The following OPCML variants were observed in gnomAD, a reference collection of about 807,000 sequenced individuals.
OPCML encodes opioid binding protein/cell adhesion molecule like.
Under a neutral mutation model 37.8 loss-of-function variants are expected in OPCML, and 13 were observed. That is an observed-to-expected ratio of 0.34 (90% CI 0.22 to 0.55). OPCML has a LOEUF of 0.55. OPCML is among the 20% of genes least tolerant of loss of function. The pLI is 0.91. For synonymous variants in OPCML, 176 were observed against 168.8 expected (o/e 1.04, Z -0.33); for missense variants, 341 against 435.6 (o/e 0.78, Z 1.93).
At position 133,021,185 on chromosome 11, in the gene OPCML, G is replaced by T. The variant is rs537700404; in HGVS notation, c.62-78175C>A. On this transcript the variant is annotated intron_variant, in intron 1 of 7. Coordinates refer to ENST00000524381, the MANE Select transcript of OPCML (RefSeq NM_001012393.5). Reference sequence around the variant, plus strand: ...TGTGAAGCTTTGAGTCTTGTAAGAGGATACATACAGGTAAGAGAATGAACA... The same window carrying T: ...TGTGAAGCTTTGAGTCTTGTAAGAGTATACATACAGGTAAGAGAATGAACA... Among the ~76,000 whole-genome samples the T allele has an allele frequency of 2.2e-4, 34 of 152,292 alleles. No homozygotes were observed. In the South Asian group the frequency reaches 4.6e-3, roughly 20 times the overall value.
chr11:133,313,810 G>C (rs1481020476), intron 1 of OPCML, among the ~76,000 whole-genome samples: 1 of 152,198 alleles, frequency 6.6e-6, no homozygotes, highest in East Asian at 1.9e-4. Flanking sequence ...CTATAAAACT[G>C]TAAGAGAAAA....
intron 3 of OPCML, among the ~76,000 whole-genome samples, chr11:132,541,496 G>C (rs907110415): frequency 1.3e-5 from 2 of 148,896 alleles, no homozygotes; most frequent in African/African-American, 5.0e-5. Context: ...AATGTTATGG[G>C]CTCTTTATTC....
chr11:132,993,484 C>A (rs150315409), intron 1 of OPCML, among the ~76,000 whole-genome samples: 177 of 152,278 alleles, frequency 1.2e-3, no homozygotes, highest in Non-Finnish European at 1.7e-3. Flanking sequence ...ATTTGCTAAC[C>A]ACCGTTGAGA....
Position 132,436,150 on chromosome 11 carries a change from A to G in OPCML, c.852T>C (p.Tyr284=). 2 of 1,614,208 alleles carry G rather than the reference A, an allele frequency of 1.2e-6. No individual in the cohort carries two copies. The highest frequency in any genetic ancestry group is 8.5e-7 in the Non-Finnish European group (1 of 1,180,038). The change falls in exon 7 of 8, where the codon TAT becomes TAC. Residue 284 remains tyrosine, a synonymous_variant. Coordinates refer to ENST00000524381, the MANE Select transcript of OPCML (RefSeq NM_001012393.5). The stretch of plus-strand genomic sequence containing the variant: ...TCGTGGCCACACAAGTATAGTTCCC[A>G]TAATCCTTTTCTGAAACATTGAAGA... ...LTFFNVSEKD[Y]GNYTCVATNK... is the part of the protein sequence containing the mutation.
At chr11:132,680,178 C>T (rs1942879465) in intron 2 of OPCML, among the ~76,000 whole-genome samples, 1 of 152,166 alleles carries the variant, frequency 6.6e-6, no homozygotes. Flanking sequence ...TTGTGCAATG[C>T]ACCTGCCCCT....
chr11:132,741,702 C>A (rs190923888), intron 2 of OPCML, among the ~76,000 whole-genome samples: 1 of 152,216 alleles, frequency 6.6e-6, no homozygotes, highest in Admixed American at 6.5e-5. Flanking sequence ...TTTCGATATT[C>A]ATTCATTTAA....
chr11:132,527,052 G>A (rs2096310363), intron 4 of OPCML, among the ~76,000 whole-genome samples: 1 of 152,082 alleles, frequency 6.6e-6, no homozygotes, highest in Admixed American at 6.6e-5. Context: ...ATTTTGTTAT[G>A]TGCACCAGTG....
At chr11:132,759,161 T>C (rs541151373) in intron 2 of OPCML, among the ~76,000 whole-genome samples, 1 of 152,308 alleles carries the variant, frequency 6.6e-6, no homozygotes, top group South Asian at 2.1e-4. Flanking sequence ...GACTTGATCA[T>C]GGTGGGTAAG....
chr11:132,516,276 A>G (rs2096279493), intron 4 of OPCML, among the ~76,000 whole-genome samples: 1 of 152,206 alleles, frequency 6.6e-6, no homozygotes, highest in Admixed American at 6.5e-5. Flanking sequence ...AACTTCCTGC[A>G]GGCTCCTAAT....
chr11:133,450,220 A>G (rs1163147764), intron 1 of OPCML, among the ~76,000 whole-genome samples: 1 of 151,712 alleles, frequency 6.6e-6, no homozygotes, highest in African/African-American at 2.4e-5. Context: ...GATAATAAAC[A>G]TCTATTGATT....
chr11:132,795,092 AT>A (rs1938223251), intron 2 of OPCML, among the ~76,000 whole-genome samples: 1 of 152,106 alleles, frequency 6.6e-6, no homozygotes, highest in East Asian at 1.9e-4. Flanking sequence ...ACCTATTCAT[AT>A]ACGTATACAC....
At chr11:132,780,364 T>G (rs915508582) in intron 2 of OPCML, among the ~76,000 whole-genome samples, 3 of 152,190 alleles carry the variant, frequency 2.0e-5, no homozygotes, top group Non-Finnish European at 4.4e-5. Flanking sequence ...GACAGCAGCT[T>G]TTTTGATGGG....
At chr11:133,382,764 T>C (rs1944959017) in intron 1 of OPCML, among the ~76,000 whole-genome samples, 1 of 152,168 alleles carries the variant, frequency 6.6e-6, no homozygotes, top group African/African-American at 2.4e-5. Context: ...ATCGATGTTC[T>C]GTCACCCCAC....
intron 2 of OPCML, among the ~76,000 whole-genome samples, chr11:132,854,295 G>C (rs1414637260): frequency 1.3e-5 from 2 of 152,176 alleles, no homozygotes; most frequent in African/African-American, 2.4e-5. Flanking sequence ...CCATCCTCCT[G>C]GCATTTGGAT....
At chr11:132,778,283 C>T (rs1453269628) in intron 2 of OPCML, among the ~76,000 whole-genome samples, 1 of 152,150 alleles carries the variant, frequency 6.6e-6, no homozygotes, top group Non-Finnish European at 1.5e-5. Flanking sequence ...AGTCACTGCA[C>T]TGGCCCCAGG....
At chr11:132,480,661 A>T (rs1013375530) in intron 4 of OPCML, among the ~76,000 whole-genome samples, 2 of 152,244 alleles carry the variant, frequency 1.3e-5, no homozygotes, top group Non-Finnish European at 2.9e-5. Flanking sequence ...TCAGACTAAC[A>T]GCGGATCTCT....
chr11:132,422,919 C>A (rs918935879), intron 7 of OPCML, among the ~76,000 whole-genome samples: 1 of 152,202 alleles, frequency 6.6e-6, no homozygotes, highest in African/African-American at 2.4e-5. Context: ...ATGTGCTGCA[C>A]CCTAGCTGAG....
chr11:133,207,462 A>C (rs1261437905), intron 1 of OPCML, among the ~76,000 whole-genome samples: 1 of 152,152 alleles, frequency 6.6e-6, no homozygotes, highest in Non-Finnish European at 1.5e-5. Flanking sequence ...GATCCAGTTT[A>C]AAGGGTTTAA....
intron 1 of OPCML, among the ~76,000 whole-genome samples, chr11:133,274,577 G>A (rs912094851): frequency 2.0e-5 from 3 of 152,180 alleles, no homozygotes; most frequent in Non-Finnish European, 4.4e-5. Context: ...CTGGCCCTGT[G>A]AAACAATCAC....
Sources: gnomAD v4.1 joint callset for allele counts (sites outside exome capture counted in the v4.1 genomes callset) on GRCh38, gnomAD v4.1.1 for gene constraint, MANE v1.5 for transcripts, NCBI Gene and HGNC (gene_info 2026-07-23, HGNC 2026-07-21) for gene names.